The following EDN3 variants were observed in gnomAD, a reference collection of about 807,000 sequenced individuals.
The protein encoded by EDN3 is endothelin-3.
Under a neutral mutation model 21.4 loss-of-function variants are expected in EDN3, and 9 were observed. The observed-to-expected ratio is 0.42, with a 90% CI of 0.25 to 0.73. EDN3 has a LOEUF of 0.73. EDN3 is among the 30% of genes least tolerant of loss of function. EDN3 has a pLI of 0.26. For missense variants in EDN3, 327 were observed against 309.4 expected, an observed-to-expected ratio of 1.06 and a Z score of -0.43; for synonymous variants, 133 against 126.2, an observed-to-expected ratio of 1.05 and a Z score of -0.36.
intron 1 of EDN3, 52 bp downstream of exon 1, chr20:59,300,916 C>T (rs1478154629): frequency 3.1e-6 from 5 of 1,594,082 alleles, no homozygotes; most frequent in East Asian, 2.3e-5. Flanking sequence ...CACAAAAGGA[C>T]CCAGGGCGGG....
At chr20:59,308,405 T>A (rs542546390) in intron 2 of EDN3, among the ~76,000 whole-genome samples, 1 of 152,298 alleles carries the variant, frequency 6.6e-6, no homozygotes, top group Admixed American at 6.5e-5. Flanking sequence ...ACACTTTGGT[T>A]TAGAGACTCC....
intron 2 of EDN3, among the ~76,000 whole-genome samples, chr20:59,317,097 C>A (rs997281373): frequency 6.6e-6 from 1 of 152,232 alleles, no homozygotes; most frequent in African/African-American, 2.4e-5. Flanking sequence ...TTTCACTTCA[C>A]GTTCATGGTC....
At chr20:59,302,517 C>T (rs997935790) in intron 2 of EDN3, among the ~76,000 whole-genome samples, 5 of 152,076 alleles carry the variant, frequency 3.3e-5, no homozygotes, top group Admixed American at 2.0e-4. Context: ...TTTGATGACT[C>T]CCAGTGTTCA....
At chr20:59,317,430 C>A (rs1332390881) in intron 2 of EDN3, among the ~76,000 whole-genome samples, 1 of 152,184 alleles carries the variant, frequency 6.6e-6, no homozygotes, top group East Asian at 1.9e-4. Context: ...TTGCTTATGG[C>A]ACTTTGCTAA....
intron 2 of EDN3, among the ~76,000 whole-genome samples, chr20:59,320,536 G>A (rs1006263819): frequency 6.6e-6 from 1 of 152,240 alleles, no homozygotes; most frequent in African/African-American, 2.4e-5. Flanking sequence ...GGAATGAGGA[G>A]GAGGCCCAGA....
chr20:59,321,361 T>C (rs1046258250), intron 3 of EDN3, among the ~76,000 whole-genome samples, 168 bp downstream of exon 3: 4 of 152,106 alleles, frequency 2.6e-5, no homozygotes, highest in Non-Finnish European at 5.9e-5. Flanking sequence ...AAGACCCAGG[T>C]CCTCAGCATC....
chr20:59,317,494 A>G (rs1990255023), intron 2 of EDN3, among the ~76,000 whole-genome samples: 1 of 152,182 alleles, frequency 6.6e-6, no homozygotes, highest in Non-Finnish European at 1.5e-5. Context: ...TTTGTCGACC[A>G]GGAAGTTGTT....
intron 2 of EDN3, among the ~76,000 whole-genome samples, chr20:59,306,872 C>T (rs907565146): frequency 9.2e-5 from 14 of 152,116 alleles, no homozygotes; most frequent in African/African-American, 2.2e-4. Context: ...GGGCCAGGCG[C>T]GGTGGCTCAC....
rs922327494 is a variant in EDN3, at chr20:59,309,326, A to G, written c.365+7604A>G. On this transcript the variant is annotated intron_variant, in intron 2 of 4. Coordinates refer to ENST00000337938, the MANE Select transcript of EDN3 (RefSeq NM_207034.3). ...CATCTGTGGCTCTCATGTCCTTGGTACGTCCAGCAGAGTAGATATAATGCC... is the reference window on the plus strand; with the variant it reads ...CATCTGTGGCTCTCATGTCCTTGGTGCGTCCAGCAGAGTAGATATAATGCC... Among the ~76,000 whole-genome samples, 13 of 152,258 alleles carry G rather than the reference A, an allele frequency of 8.5e-5. No homozygotes were observed. In the South Asian group the frequency reaches 2.7e-3, roughly 32 times the overall value.
intron 2 of EDN3, among the ~76,000 whole-genome samples, chr20:59,314,652 G>A (rs920948650): frequency 6.6e-6 from 1 of 152,138 alleles, no homozygotes; most frequent in African/African-American, 2.4e-5. Context: ...CTCCTGACCA[G>A]TCCTCAGGCA....
chr20:59,317,409 G>T (rs1176576073), intron 2 of EDN3, among the ~76,000 whole-genome samples: 1 of 152,198 alleles, frequency 6.6e-6, no homozygotes, highest in African/African-American at 2.4e-5. Flanking sequence ...AATAACAATA[G>T]TAGCTACTGT....
chr20:59,317,998 C>T (rs1990291708), intron 2 of EDN3, among the ~76,000 whole-genome samples: 1 of 152,218 alleles, frequency 6.6e-6, no homozygotes, highest in South Asian at 2.1e-4. Flanking sequence ...TGACGCCACT[C>T]TGGCCATGCC....
chr20:59,317,020 C>T (rs981784943), intron 2 of EDN3, among the ~76,000 whole-genome samples: 2 of 152,202 alleles, frequency 1.3e-5, no homozygotes, highest in African/African-American at 2.4e-5. Flanking sequence ...CTGAAAACCC[C>T]GTTGTATTAT....
chr20:59,301,491 A>G lies in EDN3; in HGVS notation c.134A>G (p.Asp45Gly). ...CCCACTGCAGCCAGATCTGAGGGGG[A>G]CTGTGAAGAGACTGTGGCTGGCCCT... ...QAPTAARSEG[D>G]CEETVAGPGE... The change falls in exon 2 of 5, where the codon GAC (aspartate) becomes GGC (glycine). Residue 45 changes from aspartate to glycine, a missense_variant. Transcript: ENST00000337938. 1 of 1,613,014 alleles carries G rather than the reference A, an allele frequency of 6.2e-7. No homozygotes were observed. Among genetic ancestry groups the G allele is most frequent in the Non-Finnish European group, 8.5e-7 (1 of 1,179,780 alleles).
At chr20:59,306,661 C>A (rs1377968190) in intron 2 of EDN3, among the ~76,000 whole-genome samples, 1 of 146,758 alleles carries the variant, frequency 6.8e-6, no homozygotes, top group Non-Finnish European at 1.5e-5. Flanking sequence ...ATGTATTCTA[C>A]CACAAAAGGG....
Position 59,324,683 on chromosome 20 carries a change from A to G in EDN3, c.*224A>G. 1 of 615,800 alleles carries G rather than the reference A, an allele frequency of 1.6e-6. No individual in the cohort carries two copies. The highest frequency in any genetic ancestry group is 2.8e-6 in the Non-Finnish European group (1 of 354,294). The allele number at this position is 615,800 out of a possible 1,614,324, so 38.1% of individuals were successfully genotyped here. The stretch of plus-strand genomic sequence containing the variant: ...AATGATCCCAGATGTGCCCCAGAGC[A>G]TGACGCCTGCAGCTCCGGTTTCATG... On this transcript the variant is annotated 3_prime_UTR_variant, in exon 5 of 5. Coordinates refer to ENST00000337938, the MANE Select transcript of EDN3 (RefSeq NM_207034.3).
At chr20:59,300,941 G>C in intron 1 of EDN3, 77 bp downstream of exon 1, 1 of 1,529,576 alleles carries the variant, frequency 6.5e-7, no homozygotes, top group South Asian at 1.2e-5. Context: ...CCGAGGCGCG[G>C]AGAAGATGTG....
chr20:59,324,629 C>A lies in EDN3; in HGVS notation c.*170C>A. The A allele has an allele frequency of 1.2e-6, 1 of 864,728 alleles. No homozygotes were observed. Among genetic ancestry groups the A allele is most frequent in the Non-Finnish European group, 1.8e-6 (1 of 551,088 alleles). 53.6% of individuals were successfully genotyped at this position (864,728 alleles called of 1,614,324 possible). On this transcript the variant is annotated 3_prime_UTR_variant, in exon 5 of 5. Coordinates refer to ENST00000337938, the MANE Select transcript of EDN3 (RefSeq NM_207034.3). The stretch of plus-strand genomic sequence containing the variant: ...CCCCCACGGCAAGAATGCCCAAATC[C>A]GAATGACCCCAGTTTTCCTAATGAG...
intron 2 of EDN3, among the ~76,000 whole-genome samples, chr20:59,311,466 G>A (rs1989805549): frequency 6.6e-6 from 1 of 152,128 alleles, no homozygotes; most frequent in Admixed American, 6.6e-5. Flanking sequence ...ATGAATTCCT[G>A]GAACTGAGGT....
Sources: gnomAD v4.1 joint callset for allele counts (sites outside exome capture counted in the v4.1 genomes callset) on GRCh38, gnomAD v4.1.1 for gene constraint, MANE v1.5 for transcripts, NCBI Gene and HGNC (gene_info 2026-07-23, HGNC 2026-07-21) for gene names.